DOCK3: variants seen among roughly 807,000 people sequenced by gnomAD.
DOCK3 encodes the protein dedicator of cytokinesis 3.
DOCK3 carries 60 observed loss-of-function variants against 265.6 expected under a neutral mutation model. That is an observed-to-expected ratio of 0.23 (90% CI 0.18 to 0.28). The LOEUF (loss-of-function observed/expected upper bound fraction) is 0.28, where lower values mean the gene tolerates loss of function less well. DOCK3 is among the 10% of genes least tolerant of loss of function. The pLI, the probability that DOCK3 is intolerant of heterozygous loss-of-function variation, is 1.00. For synonymous variants in DOCK3, 881 were observed against 938.0 expected (o/e 0.94, Z 1.11); for missense variants, 1,981 against 2,594.3 (o/e 0.76, Z 5.14).
chr3:51,178,888 G>A (rs2087122895), intron 12 of DOCK3, among the ~76,000 whole-genome samples: 1 of 152,182 alleles, frequency 6.6e-6, no homozygotes, highest in East Asian at 1.9e-4. Context: ...AGGACTCATT[G>A]AGCACTCACC....
chr3:51,038,802 C>T (rs2109008343), intron 5 of DOCK3, among the ~76,000 whole-genome samples: 1 of 151,912 alleles, frequency 6.6e-6, no homozygotes, highest in South Asian at 2.1e-4. Flanking sequence ...GGCTGTTTTT[C>T]CCCTTTATTC....
intron 5 of DOCK3, among the ~76,000 whole-genome samples, chr3:51,012,760 G>C (rs1402297291): frequency 6.6e-6 from 1 of 152,168 alleles, no homozygotes; most frequent in Non-Finnish European, 1.5e-5. Context: ...CTGTAGACTG[G>C]AGTTGTTCCT....
chr3:51,356,384 ACCTGCCTGTTC>A lies in DOCK3; in HGVS notation c.4417-19_4417-9del. On this transcript the variant is annotated splice_polypyrimidine_tract_variant and intron_variant, in intron 42 of 52. Coordinates refer to ENST00000266037, the MANE Select transcript of DOCK3 (RefSeq NM_004947.5). ...TGGCAAAACTTGCCTAACTGCCCAT[ACCTGCCTGTTC>A]CCTCCCTACAGAGCCTGTGGATTGA... The A allele has an allele frequency of 6.2e-7, 1 of 1,612,716 alleles. No homozygotes were observed. Among genetic ancestry groups the A allele is most frequent in the Non-Finnish European group, 8.5e-7 (1 of 1,179,550 alleles).
At chr3:51,127,830 A>G (rs1351256635) in intron 9 of DOCK3, among the ~76,000 whole-genome samples, 7 of 152,110 alleles carry the variant, frequency 4.6e-5, no homozygotes, top group African/African-American at 1.7e-4. Context: ...GGTCTGGGCC[A>G]TTTGTAGTCC....
intron 5 of DOCK3, among the ~76,000 whole-genome samples, chr3:51,045,430 C>T (rs2080733608): frequency 6.6e-6 from 1 of 152,044 alleles, no homozygotes; most frequent in Non-Finnish European, 1.5e-5. Flanking sequence ...ACACAGTTCA[C>T]CATAACAGAC....
rs555218926 is a variant in DOCK3, at chr3:51,225,738, A to G, written c.1342A>G (p.Met448Val). The G allele has an allele frequency of 1.9e-6, 3 of 1,613,326 alleles. No homozygotes were observed. Among genetic ancestry groups the G allele is most frequent in the African/African-American group, 1.3e-5 (1 of 74,944 alleles). Residue 448 changes from methionine to valine, a missense_variant, in exon 15 of 53, where the codon ATG becomes GTG. Coordinates refer to ENST00000266037, the MANE Select transcript of DOCK3 (RefSeq NM_004947.5). ...KSVQKNIEVT[M>V]YVLYADGEIL... Reference sequence around the variant, plus strand: ...TGTACAAAAGAATATTGAAGTGACCATGTATGTGCTTTATGCAGATGGAGA... The same window carrying G: ...TGTACAAAAGAATATTGAAGTGACCGTGTATGTGCTTTATGCAGATGGAGA...
At chr3:51,016,479 T>G (rs865835409) in intron 5 of DOCK3, among the ~76,000 whole-genome samples, 12 of 88,918 alleles carry the variant, frequency 1.3e-4, no homozygotes, top group East Asian at 2.9e-4. Context: ...TTCTACATAA[T>G]ATATATATCA....
At chr3:50,733,457 C>T (rs1333096598) in intron 1 of DOCK3, among the ~76,000 whole-genome samples, 10 of 152,054 alleles carry the variant, frequency 6.6e-5, no homozygotes, top group African/African-American at 9.7e-5. Context: ...TGAATTGACC[C>T]CTTAATCATT....
intron 12 of DOCK3, among the ~76,000 whole-genome samples, chr3:51,165,477 G>A (rs905403844): frequency 2.0e-5 from 3 of 152,092 alleles, no homozygotes; most frequent in Non-Finnish European, 4.4e-5. Flanking sequence ...TACCATTTTA[G>A]CAAATATACA....
chr3:50,794,715 T>A (rs1223843510), intron 2 of DOCK3, among the ~76,000 whole-genome samples: 2 of 152,206 alleles, frequency 1.3e-5, no homozygotes, highest in African/African-American at 4.8e-5. Context: ...ATTGGGGCAT[T>A]TATCCTGTTT....
chr3:50,769,684 C>T (rs1485671436), intron 1 of DOCK3, among the ~76,000 whole-genome samples: 5 of 151,670 alleles, frequency 3.3e-5, no homozygotes, highest in East Asian at 1.9e-4. Context: ...GTGTGGTGGG[C>T]GCCTATAATC....
intron 5 of DOCK3, among the ~76,000 whole-genome samples, chr3:50,968,462 A>G (rs1411614927): frequency 1.3e-5 from 2 of 151,956 alleles, no homozygotes; most frequent in Non-Finnish European, 2.9e-5. Context: ...ATAAGGCTTC[A>G]TTTATTTGTA....
chr3:51,157,846 C>T (rs2085930708), intron 10 of DOCK3, among the ~76,000 whole-genome samples: 1 of 145,340 alleles, frequency 6.9e-6, no homozygotes, highest in South Asian at 2.2e-4. Context: ...TTTGCCCAGG[C>T]CGGACTGCAG....
intron 5 of DOCK3, among the ~76,000 whole-genome samples, chr3:50,955,986 C>T (rs549085450): frequency 6.6e-6 from 1 of 152,186 alleles, no homozygotes; most frequent in East Asian, 1.9e-4. Context: ...TTTCCCTTTA[C>T]CCACAGCAGA....
At chr3:51,198,078 G>C (rs1480936205) in intron 12 of DOCK3, among the ~76,000 whole-genome samples, 1 of 152,204 alleles carries the variant, frequency 6.6e-6, no homozygotes, top group Non-Finnish European at 1.5e-5. Context: ...GACAGCTCGA[G>C]TTTCTGTCAT....
At chr3:51,252,417 A>G (rs1157596017) in intron 22 of DOCK3, among the ~76,000 whole-genome samples, 1 of 152,218 alleles carries the variant, frequency 6.6e-6, no homozygotes, top group Non-Finnish European at 1.5e-5. Flanking sequence ...TGGTGGCTTT[A>G]TGGGGATGGC....
chr3:50,792,930 G>A (rs1306972201), intron 2 of DOCK3, among the ~76,000 whole-genome samples: 1 of 152,230 alleles, frequency 6.6e-6, no homozygotes, highest in East Asian at 1.9e-4. Context: ...CATAGAATGA[G>A]TCAAGGAGAA....
intron 12 of DOCK3, among the ~76,000 whole-genome samples, chr3:51,170,983 T>C (rs2086649866): frequency 6.6e-6 from 1 of 152,046 alleles, no homozygotes; most frequent in Non-Finnish European, 1.5e-5. Context: ...TTAATTTAGC[T>C]TTCCAAGAAA....
intron 5 of DOCK3, among the ~76,000 whole-genome samples, chr3:51,056,049 A>G (rs1441465991): frequency 1.3e-5 from 2 of 152,186 alleles, no homozygotes; most frequent in Non-Finnish European, 2.9e-5. Context: ...GAAGAGAAAA[A>G]GAATTTTCAT....
Sources: gnomAD v4.1 joint callset for allele counts (sites outside exome capture counted in the v4.1 genomes callset) on GRCh38, gnomAD v4.1.1 for gene constraint, MANE v1.5 for transcripts, NCBI Gene and HGNC (gene_info 2026-07-23, HGNC 2026-07-21) for gene names.